Variants in BTBD7 observed in about 807,000 individuals in gnomAD.
BTBD7 encodes BTB/POZ domain-containing protein 7.
A neutral mutation model predicts 99.9 loss-of-function variants in BTBD7; 38 were observed. The ratio of observed to expected loss-of-function variants is 0.38; its 90% CI spans 0.29 to 0.50. BTBD7 has a LOEUF of 0.50. Among genes scored for constraint, BTBD7 ranks in the 20% least tolerant of loss-of-function variants. BTBD7 has a pLI of 0.93. For synonymous variants in BTBD7, 520 were observed against 511.4 expected, an observed-to-expected ratio of 1.02 and a Z score of -0.23; for missense variants, 1,170 against 1,394.6, an observed-to-expected ratio of 0.84 and a Z score of 2.57.
chr14:93,243,218 G>C (rs572434918), intron 10 of BTBD7, 130 bp from the exon 11 acceptor site: 2 of 868,842 alleles, frequency 2.3e-6, no homozygotes, highest in Non-Finnish European at 3.4e-6. Context: ...TTTTGAGACA[G>C]AGTCTCGCTC....
chr14:93,276,938 G>A (rs1222358202), intron 3 of BTBD7, among the ~76,000 whole-genome samples: 1 of 108,480 alleles, frequency 9.2e-6, no homozygotes. Context: ...ATCTCACTCT[G>A]TCACCCAGCC....
chr14:93,270,495 C>G (rs969617559), intron 3 of BTBD7, among the ~76,000 whole-genome samples: 3 of 151,684 alleles, frequency 2.0e-5, no homozygotes, highest in African/African-American at 7.3e-5. Context: ...GAGTTCGAGA[C>G]AAGCCTAGCC....
intron 3 of BTBD7, chr14:93,288,425 A>G (rs748420112): frequency 3.9e-5 from 26 of 664,140 alleles, no homozygotes; most frequent in Non-Finnish European, 6.2e-5. Context: ...TATTTCTAAA[A>G]GCTCCTGTTT....
chr14:93,323,464 A>T (rs1292500157), intron 1 of BTBD7, among the ~76,000 whole-genome samples: 1 of 152,052 alleles, frequency 6.6e-6, no homozygotes, highest in Admixed American at 6.6e-5. Flanking sequence ...TTCACTACAA[A>T]CTCATCCAGT....
At chr14:93,243,183 T>C in intron 10 of BTBD7, 95 bp from the exon 11 acceptor site, 1 of 1,209,652 alleles carries the variant, frequency 8.3e-7, no homozygotes, top group South Asian at 1.5e-5. Context: ...ATTATAAAAT[T>C]AACACATTCT....
At position 93,310,770 on chromosome 14, in the gene BTBD7, C is replaced by CTTT. The variant is rs56756515; in HGVS notation, c.-106-14616_-106-14614dup. ...ACAAACAAACAAAAAAACCAAAAAA[C>CTTT]TTTTTTTTTTTTTTTTTTTTGCCAA... On this transcript the variant is annotated intron_variant, in intron 1 of 10. Coordinates refer to ENST00000334746, the MANE Select transcript of BTBD7 (RefSeq NM_001002860.4). 1.2e-3 allele frequency among the ~76,000 whole-genome samples: 140 copies of CTTT among 116,640 alleles called. 1 individual carries two copies. Among genetic ancestry groups the CTTT allele is most frequent in the African/African-American group, 2.9e-3 (79 of 27,686 alleles). The allele number at this position is 116,640 out of a possible 152,430, so 76.5% of individuals were successfully genotyped here. A position where few individuals can be genotyped will look rare whatever the true frequency, so the allele number is the denominator to read the frequency against.
chr14:93,285,766 A>G (rs577558074), intron 3 of BTBD7, among the ~76,000 whole-genome samples: 18 of 152,230 alleles, frequency 1.2e-4, no homozygotes, highest in African/African-American at 4.1e-4. Flanking sequence ...AGACTCTTCC[A>G]ATCTAGTCAT....
intron 3 of BTBD7, among the ~76,000 whole-genome samples, chr14:93,276,766 C>T (rs2052660331): frequency 1.3e-5 from 2 of 151,404 alleles, no homozygotes; most frequent in Admixed American, 1.3e-4. Context: ...CAAAAGCAAA[C>T]AAAGCTGGAA....
At chr14:93,261,821 A>G in intron 4 of BTBD7, 144 bp from the exon 5 acceptor site, 1 of 631,822 alleles carries the variant, frequency 1.6e-6, no homozygotes, top group Admixed American at 2.9e-5. Flanking sequence ...TTTTAGTGTT[A>G]AATCTGTGGT....
At chr14:93,327,650 T>G (rs994565585) in intron 1 of BTBD7, among the ~76,000 whole-genome samples, 10 of 152,102 alleles carry the variant, frequency 6.6e-5, no homozygotes, top group Admixed American at 3.3e-4. Flanking sequence ...AGGTCTTATA[T>G]AAAAAACTCA....
intron 3 of BTBD7, among the ~76,000 whole-genome samples, chr14:93,274,186 G>C (rs1233851771): frequency 6.6e-6 from 1 of 152,218 alleles, no homozygotes; most frequent in Non-Finnish European, 1.5e-5. Flanking sequence ...GTCTTTTGTA[G>C]AGGTGTGGCT....
intron 3 of BTBD7, among the ~76,000 whole-genome samples, chr14:93,289,073 G>A (rs1238130214): frequency 6.6e-6 from 1 of 152,092 alleles, no homozygotes; most frequent in Non-Finnish European, 1.5e-5. Flanking sequence ...GAGGCGAATT[G>A]AGGGGGCGGG....
Position 93,243,066 on chromosome 14 carries a change from T to C in BTBD7, c.2606A>G (p.Asp869Gly), listed in dbSNP as rs1236856092. 2 of 1,613,978 alleles carry C rather than the reference T, an allele frequency of 1.2e-6. No homozygotes were observed. Among genetic ancestry groups the C allele is most frequent in the Admixed American group, 3.3e-5 (2 of 60,006 alleles). Residue 869 changes from aspartate to glycine, a missense_variant, in exon 11 of 11, where the codon GAT becomes GGT. This residue lies in a region of BTBD7 where 495 missense variants were observed against 525.9 expected (regional missense o/e 0.94). Transcript: ENST00000334746. Reference protein sequence around the residue: ...KQVRTQPVLNDLMPDIAVGVS... With the variant: ...KQVRTQPVLNGLMPDIAVGVS... ...ACCCACCGCGATGTCTGGCATCAGATCATTCAGCACAGGTTGTGTTCGCTG... is the reference window on the plus strand; with the variant it reads ...ACCCACCGCGATGTCTGGCATCAGACCATTCAGCACAGGTTGTGTTCGCTG...
chr14:93,257,310 C>T lies in BTBD7; in HGVS notation c.1493G>A (p.Gly498Asp), dbSNP rs774873913. Reference protein sequence around the residue: ...SGTAHSVNKRGVKRRDLDMEE... With the variant: ...SGTAHSVNKRDVKRRDLDMEE... ...CATGTCCAGGTCCCGTCTTTTTACA[C>T]CTCTTTTGTTCACACTATGGGCAGT... Residue 498 changes from glycine to aspartate, a missense_variant, in exon 6 of 11, where the codon GGT becomes GAT. Physicochemically the swap from Gly to Asp is moderately conservative, Grantham distance 94. This residue lies in a region of BTBD7 where 309 missense variants were observed against 342.0 expected (regional missense o/e 0.90). Coordinates refer to ENST00000334746, the MANE Select transcript of BTBD7 (RefSeq NM_001002860.4). 3.1e-6 allele frequency: 5 copies of T among 1,614,024 alleles called. No homozygotes were observed. The highest frequency in any genetic ancestry group is 1.7e-5 in the Admixed American group (1 of 59,998).
chr14:93,288,494 A>C, intron 3 of BTBD7: 1 of 756,276 alleles, frequency 1.3e-6, no homozygotes, highest in Admixed American at 1.8e-5. Flanking sequence ...CTTTTATATA[A>C]GGATATTTTG....
Position 93,257,328 on chromosome 14 carries a change from T to C in BTBD7, c.1475A>G (p.His492Arg). Residue 492 changes from histidine to arginine, a missense_variant, in exon 6 of 11, where the codon CAT becomes CGT. His to Arg is a conservative substitution (Grantham distance 29, BLOSUM62 0). Around this residue, in one of 4 missense-constraint regions of BTBD7, gnomAD observed 309 missense variants for 342.0 expected, o/e 0.90. Transcript: ENST00000334746. ...REPNLLSGTA[H>R]SVNKRGVKRR... ...TTTTACACCTCTTTTGTTCACACTA[T>C]GGGCAGTGCCACTCAGTAAGTTTGG... 1 of 1,611,234 alleles carries C rather than the reference T, an allele frequency of 6.2e-7. No individual in the cohort carries two copies. The highest frequency in any genetic ancestry group is 8.5e-7 in the Non-Finnish European group (1 of 1,179,148).
intron 1 of BTBD7, among the ~76,000 whole-genome samples, chr14:93,303,237 T>A (rs2053026481): frequency 6.6e-6 from 1 of 152,130 alleles, no homozygotes; most frequent in Non-Finnish European, 1.5e-5. Context: ...GTTAATAAGG[T>A]CCTGGCTTTA....
chr14:93,248,723 G>C (rs1454826793), intron 8 of BTBD7, 69 bp from the exon 9 acceptor site: 4 of 1,375,772 alleles, frequency 2.9e-6, no homozygotes, highest in Non-Finnish European at 3.9e-6. Context: ...GTGAGCCCAA[G>C]GGAAAAAAGC....
At chr14:93,269,897 C>G (rs1351125884) in intron 3 of BTBD7, among the ~76,000 whole-genome samples, 5 of 152,138 alleles carry the variant, frequency 3.3e-5, no homozygotes, top group African/African-American at 1.2e-4. Flanking sequence ...GCCCTGGGAA[C>G]ACAGCCACCC....
Sources: allele counts gnomAD v4.1 joint callset (sites outside exome capture counted in the v4.1 genomes callset), GRCh38; gene constraint gnomAD v4.1.1; regional missense constraint gnomAD v4.1.1; transcripts MANE v1.5; gene names NCBI Gene and HGNC (gene_info 2026-07-23, HGNC 2026-07-21).